Variants in NELL2 observed in about 807,000 individuals in gnomAD.
NELL2 encodes the protein neural EGFL like 2.
A neutral mutation model predicts 109.6 loss-of-function variants in NELL2; 41 were observed. The ratio of observed to expected loss-of-function variants is 0.37; its 90% CI spans 0.29 to 0.49. The LOEUF (loss-of-function observed/expected upper bound fraction) is 0.49, where lower values mean the gene tolerates loss of function less well. Ranked by LOEUF, NELL2 falls within the 20% of genes least tolerant of loss-of-function variation. NELL2 has a pLI of 0.98. For synonymous variants in NELL2, 355 were observed against 344.7 expected (o/e 1.03, Z -0.33); for missense variants, 900 against 1,008.3 (o/e 0.89, Z 1.45).
intron 15 of NELL2, among the ~76,000 whole-genome samples, chr12:44,588,486 G>A (rs1944626964): frequency 6.6e-6 from 1 of 152,158 alleles, no homozygotes; most frequent in Non-Finnish European, 1.5e-5. Flanking sequence ...ACATTGTGGA[G>A]GATAATTTGT....
chr12:44,737,667 T>C (rs993646474), intron 9 of NELL2, among the ~76,000 whole-genome samples: 2 of 152,138 alleles, frequency 1.3e-5, no homozygotes, highest in African/African-American at 4.8e-5. Context: ...TAAATGAGTA[T>C]TGGCCCACAG....
chr12:44,791,124 T>C (rs1299049800), intron 3 of NELL2, among the ~76,000 whole-genome samples: 2 of 95,170 alleles, frequency 2.1e-5, no homozygotes, highest in Admixed American at 1.1e-4. Flanking sequence ...TATATATGTA[T>C]ATATATATAT....
chr12:44,615,930 C>T (rs1430698298), intron 13 of NELL2, among the ~76,000 whole-genome samples: 1 of 152,122 alleles, frequency 6.6e-6, no homozygotes, highest in Non-Finnish European at 1.5e-5. Context: ...CCCTGCCAAA[C>T]AAAGTAACCA....
At chr12:44,640,566 G>A (rs1207067026) in intron 13 of NELL2, among the ~76,000 whole-genome samples, 1 of 152,042 alleles carries the variant, frequency 6.6e-6, no homozygotes, top group Non-Finnish European at 1.5e-5. Flanking sequence ...TCTACATTGT[G>A]TAGATATCTT....
chr12:44,610,428 G>A (rs1945576219), intron 14 of NELL2, among the ~76,000 whole-genome samples: 2 of 151,950 alleles, frequency 1.3e-5, no homozygotes, highest in Non-Finnish European at 2.9e-5. Flanking sequence ...AAGGTTCAAC[G>A]AAATTAAAGA....
At chr12:44,683,852 G>A (rs1474989554) in intron 12 of NELL2, among the ~76,000 whole-genome samples, 1 of 152,202 alleles carries the variant, frequency 6.6e-6, no homozygotes. Flanking sequence ...TTGCATCAAT[G>A]TTCATTAAGG....
chr12:44,852,160 T>A (rs1944552853), intron 2 of NELL2, among the ~76,000 whole-genome samples: 1 of 152,216 alleles, frequency 6.6e-6, no homozygotes, highest in African/African-American at 2.4e-5. Context: ...TTTACTCTTT[T>A]TCTTTGAATG....
chr12:44,692,786 G>C (rs1222531683), intron 12 of NELL2, among the ~76,000 whole-genome samples: 1 of 152,162 alleles, frequency 6.6e-6, no homozygotes, highest in Non-Finnish European at 1.5e-5. Context: ...ACTAGAATTA[G>C]AAATGAAGCC....
chr12:44,511,090 C>T (rs910566018), intron 19 of NELL2, among the ~76,000 whole-genome samples: 6 of 152,116 alleles, frequency 3.9e-5, no homozygotes, highest in African/African-American at 1.2e-4. Context: ...ATATTGCACC[C>T]ATAAGTATGT....
At chr12:44,562,379 A>C (rs1480253214) in intron 15 of NELL2, among the ~76,000 whole-genome samples, 1 of 152,232 alleles carries the variant, frequency 6.6e-6, no homozygotes, top group African/African-American at 2.4e-5. Flanking sequence ...GTGAACAGGC[A>C]GCCTACAGAA....
chr12:44,560,272 A>G (rs1262503788), intron 15 of NELL2, among the ~76,000 whole-genome samples: 8 of 152,232 alleles, frequency 5.3e-5, no homozygotes, highest in Non-Finnish European at 1.2e-4. Flanking sequence ...AAAGAACTAA[A>G]GAAGCAAGAG....
At chr12:44,589,283 C>T (rs2136223003) in intron 15 of NELL2, among the ~76,000 whole-genome samples, 1 of 151,588 alleles carries the variant, frequency 6.6e-6, no homozygotes, top group Non-Finnish European at 1.5e-5. Context: ...AAAAACAGAA[C>T]TGCTAGGCAA....
chr12:44,705,363 T>C (rs1372531474), intron 11 of NELL2, among the ~76,000 whole-genome samples: 1 of 152,060 alleles, frequency 6.6e-6, no homozygotes, highest in East Asian at 1.9e-4. Context: ...AAATCGAACA[T>C]AGGTTTATTA....
upstream of NELL2, among the ~76,000 whole-genome samples, chr12:44,879,141 G>A (rs536653977): frequency 4.6e-5 from 7 of 152,094 alleles, no homozygotes; most frequent in Admixed American, 2.6e-4. Context: ...ATATAGAAGG[G>A]CTATGAGACA....
intron 13 of NELL2, among the ~76,000 whole-genome samples, chr12:44,655,953 T>C (rs747624696): frequency 9.2e-5 from 14 of 152,350 alleles, no homozygotes; most frequent in Non-Finnish European, 1.5e-4. Context: ...TTTGCAATGC[T>C]GATTTCAGGA....
intron 12 of NELL2, among the ~76,000 whole-genome samples, chr12:44,671,179 T>A (rs1948126494): frequency 6.6e-6 from 1 of 152,114 alleles, no homozygotes; most frequent in Admixed American, 6.6e-5. Flanking sequence ...AAGCAACATG[T>A]TCCTGAGCAA....
At position 44,639,392 on chromosome 12, in the gene NELL2, A is replaced by G. The variant is rs374120419; in HGVS notation, c.1444+26092T>C. On this transcript the variant is annotated intron_variant, in intron 13 of 19. Transcript: ENST00000429094. The stretch of plus-strand genomic sequence containing the variant: ...CAGCGTTATCATAACGACGACCATG[A>G]CACTTCACTCCACCCGCAGCGCACT... 1.5e-3 allele frequency among the ~76,000 whole-genome samples: 235 copies of G among 152,300 alleles called. 1 individual carries two copies. Among genetic ancestry groups the G allele is most frequent in the African/African-American group, 4.2e-3 (174 of 41,578 alleles).
intron 3 of NELL2, among the ~76,000 whole-genome samples, chr12:44,813,799 T>C (rs1943251451): frequency 6.6e-6 from 1 of 152,124 alleles, no homozygotes; most frequent in South Asian, 2.1e-4. Context: ...TCTAAAACAA[T>C]AAATATTATT....
At chr12:44,789,182 A>G (rs1038778829) in intron 3 of NELL2, among the ~76,000 whole-genome samples, 5 of 152,132 alleles carry the variant, frequency 3.3e-5, no homozygotes, top group African/African-American at 1.2e-4. Context: ...CAGGAGTCCA[A>G]CCAGCACAAA....
Sources: allele counts gnomAD v4.1 joint callset (sites outside exome capture counted in the v4.1 genomes callset), GRCh38; gene constraint gnomAD v4.1.1; transcripts MANE v1.5; gene names NCBI Gene and HGNC (gene_info 2026-07-23, HGNC 2026-07-21).